Variants in CRY1 observed in about 807,000 individuals in gnomAD.
The protein encoded by CRY1 is cryptochrome-1.
In CRY1, 45 loss-of-function variants were observed where a neutral mutation model predicts 76.0. The observed-to-expected ratio is 0.59, with a 90% CI of 0.47 to 0.76. The LOEUF (loss-of-function observed/expected upper bound fraction) is 0.76. CRY1 is among the 30% of genes least tolerant of loss of function. The probability of loss-of-function intolerance (pLI) is 0.00; values close to 1 mark genes in which losing one functional copy is unlikely to be tolerated. For synonymous variants in CRY1, 248 were observed against 244.0 expected, an observed-to-expected ratio of 1.02 and a Z score of -0.15; for missense variants, 587 against 716.4, an observed-to-expected ratio of 0.82 and a Z score of 2.06.
At chr12:107,041,205 A>AC (rs1189175838) in intron 1 of CRY1, among the ~76,000 whole-genome samples, 3 of 151,972 alleles carry the variant, frequency 2.0e-5, no homozygotes, top group African/African-American at 7.3e-5. Flanking sequence ...TACTCAGGAT[A>AC]CAAAAAAAAA....
chr12:107,020,570 C>T (rs1278018236), intron 2 of CRY1, among the ~76,000 whole-genome samples: 2 of 151,626 alleles, frequency 1.3e-5, no homozygotes, highest in African/African-American at 2.4e-5. Context: ...GGCACCTCCC[C>T]GCTCCTTCTC....
At chr12:107,008,124 T>C (rs892106471) in intron 2 of CRY1, among the ~76,000 whole-genome samples, 33 of 152,154 alleles carry the variant, frequency 2.2e-4, no homozygotes, top group Non-Finnish European at 2.2e-4. Context: ...ACGTATCACA[T>C]AGAAGAGGAG....
intron 2 of CRY1, among the ~76,000 whole-genome samples, chr12:107,011,727 A>T (rs1477074049): frequency 6.6e-6 from 1 of 152,218 alleles, no homozygotes; most frequent in African/African-American, 2.4e-5. Context: ...TCCATAACCT[A>T]AAAGTACAAA....
At chr12:107,021,236 T>C (rs1952553979) in intron 2 of CRY1, among the ~76,000 whole-genome samples, 1 of 152,000 alleles carries the variant, frequency 6.6e-6, no homozygotes, top group Non-Finnish European at 1.5e-5. Flanking sequence ...TGCGCTGAGA[T>C]TGCGCCATTG....
intron 1 of CRY1, among the ~76,000 whole-genome samples, chr12:107,083,681 G>A (rs1396677803): frequency 2.6e-5 from 4 of 152,094 alleles, no homozygotes; most frequent in South Asian, 2.1e-4. Context: ...AGGTATTGAT[G>A]GAACGTTACT....
chr12:107,033,146 G>C (rs531985931), intron 1 of CRY1, among the ~76,000 whole-genome samples: 1 of 152,204 alleles, frequency 6.6e-6, no homozygotes, highest in Admixed American at 6.5e-5. Flanking sequence ...TGAAAACTTA[G>C]ATGAAATAAA....
chr12:106,999,991 C>G lies in CRY1; in HGVS notation c.776G>C (p.Cys259Ser). 2.5e-6 allele frequency: 4 copies of G among 1,612,940 alleles called. No homozygotes were observed. Among genetic ancestry groups the G allele is most frequent in the Non-Finnish European group, 3.4e-6 (4 of 1,179,784 alleles). The change falls in exon 6 of 13, where the codon TGT becomes TCT. Residue 259 changes from cysteine (C) to serine (S), a missense_variant. Physicochemically the swap from Cys to Ser is moderately radical, Grantham distance 112. Coordinates refer to ENST00000008527, the MANE Select transcript of CRY1 (RefSeq NM_004075.5). ...TGLSPYLRFGCLSCRLFYFKL... is the reference protein window; with the variant it reads ...TGLSPYLRFGSLSCRLFYFKL... The stretch of plus-strand genomic sequence containing the variant: ...GAAGTAAAACAGTCGACATGACAAA[C>G]AACCAAATCGGAGATAAGGACTAAG...
At chr12:107,054,507 C>T (rs1193022861) in intron 1 of CRY1, among the ~76,000 whole-genome samples, 1 of 150,904 alleles carries the variant, frequency 6.6e-6, no homozygotes, top group African/African-American at 2.4e-5. Flanking sequence ...AATAATATGA[C>T]AATAAATCCA....
In CRY1 at chr12:107,015,068, G is replaced by A. The variant is rs527860421; in HGVS notation, c.267+7016C>T. ...AATATTTGTAGTTTTAGTAGAGACGGGGTTTCACCATGTTGGTCAGGCTGG... is the reference window on the plus strand; with the variant it reads ...AATATTTGTAGTTTTAGTAGAGACGAGGTTTCACCATGTTGGTCAGGCTGG... On this transcript the variant is annotated intron_variant, in intron 2 of 12. Coordinates refer to ENST00000008527, the MANE Select transcript of CRY1 (RefSeq NM_004075.5). 2.0e-5 allele frequency among the ~76,000 whole-genome samples: 3 copies of A among 152,108 alleles called. No homozygotes were observed. The South Asian group carries it at 6.2e-4, about 32-fold the overall frequency.
intron 1 of CRY1, among the ~76,000 whole-genome samples, chr12:107,076,023 C>T (rs189663611): frequency 6.6e-6 from 1 of 151,978 alleles, no homozygotes; most frequent in Admixed American, 6.6e-5. Flanking sequence ...GCTTAAGATG[C>T]TTATTTTGAA....
At chr12:107,029,606 CAAAAA>C (rs35485801) in intron 1 of CRY1, among the ~76,000 whole-genome samples, 4 of 112,266 alleles carry the variant, frequency 3.6e-5, no homozygotes, top group Non-Finnish European at 1.9e-5. Context: ...GGTCTTGCCT[CAAAAA>C]AAAAAAAAAA....
chr12:107,038,862 T>C (rs1952766047), intron 1 of CRY1, among the ~76,000 whole-genome samples: 1 of 152,200 alleles, frequency 6.6e-6, no homozygotes, highest in Non-Finnish European at 1.5e-5. Context: ...CACAGAGCCA[T>C]ATGATTGAGA....
At chr12:107,042,429 T>C (rs753843992) in intron 1 of CRY1, among the ~76,000 whole-genome samples, 5 of 152,176 alleles carry the variant, frequency 3.3e-5, no homozygotes, top group Non-Finnish European at 7.4e-5. Flanking sequence ...TTAGTATCAT[T>C]TGTAACAAGA....
intron 1 of CRY1, among the ~76,000 whole-genome samples, chr12:107,073,294 G>A (rs1460493880): frequency 1.3e-5 from 2 of 151,558 alleles, no homozygotes; most frequent in African/African-American, 2.4e-5. Flanking sequence ...GGAGTGCAGC[G>A]GCGTGATCTC....
At chr12:107,033,333 A>T (rs1316400745) in intron 1 of CRY1, among the ~76,000 whole-genome samples, 5 of 152,204 alleles carry the variant, frequency 3.3e-5, no homozygotes, top group Non-Finnish European at 7.4e-5. Flanking sequence ...TATTTAAGGA[A>T]TAGATAATTC....
chr12:106,995,819 C>G (rs193010322), intron 10 of CRY1, among the ~76,000 whole-genome samples: 16 of 152,116 alleles, frequency 1.1e-4, no homozygotes, highest in South Asian at 6.2e-4. Flanking sequence ...CCCTGCCCCC[C>G]CAACAGACCC....
chr12:107,018,489 A>G (rs1952520531), intron 2 of CRY1, among the ~76,000 whole-genome samples: 1 of 152,222 alleles, frequency 6.6e-6, no homozygotes, highest in Non-Finnish European at 1.5e-5. Flanking sequence ...TGGGTGGCTG[A>G]GGCACAAGAA....
intron 1 of CRY1, among the ~76,000 whole-genome samples, chr12:107,077,347 T>C (rs150702324): frequency 6.6e-6 from 1 of 152,346 alleles, no homozygotes; most frequent in African/African-American, 2.4e-5. Context: ...GCAAGAACCA[T>C]AACCTTCATC....
At chr12:107,064,949 AAAC>A (rs1176941667) in intron 1 of CRY1, among the ~76,000 whole-genome samples, 12 of 152,220 alleles carry the variant, frequency 7.9e-5, no homozygotes, top group African/African-American at 2.9e-4. Flanking sequence ...ATATCAAGCC[AAAC>A]AACAGATAAA....
Sources: gnomAD v4.1 joint callset for allele counts (sites outside exome capture counted in the v4.1 genomes callset) on GRCh38, gnomAD v4.1.1 for gene constraint, MANE v1.5 for transcripts, NCBI Gene and HGNC (gene_info 2026-07-23, HGNC 2026-07-21) for gene names.